RAPGEF4: variants seen among roughly 807,000 people sequenced by gnomAD.
RAPGEF4 encodes the protein Rap guanine nucleotide exchange factor 4, also known as RAP guanine-nucleotide-exchange factor (GEF) 4.
Under a neutral mutation model 147.9 loss-of-function variants are expected in RAPGEF4, and 66 were observed. That is an observed-to-expected ratio of 0.45 (90% CI 0.37 to 0.55). The LOEUF (loss-of-function observed/expected upper bound fraction) is 0.55. RAPGEF4 is among the 20% of genes least tolerant of loss of function. RAPGEF4 has a pLI of 0.00. For missense variants in RAPGEF4, 1,071 were observed against 1,257.3 expected (o/e 0.85, Z 2.24); for synonymous variants, 419 against 442.7 (o/e 0.95, Z 0.67).
chr2:172,944,700 T>G (rs571551231), intron 6 of RAPGEF4, among the ~76,000 whole-genome samples: 2 of 152,344 alleles, frequency 1.3e-5, no homozygotes, highest in South Asian at 4.1e-4. Flanking sequence ...CATCTTCAGC[T>G]GAACATTTCC....
intron 4 of RAPGEF4, among the ~76,000 whole-genome samples, chr2:172,838,971 C>T (rs543848943): frequency 1.3e-5 from 2 of 152,250 alleles, no homozygotes; most frequent in African/African-American, 2.4e-5. Flanking sequence ...AGTTCTTCTT[C>T]CCATGCATCC....
chr2:172,841,299 T>A (rs1263480123), intron 4 of RAPGEF4, among the ~76,000 whole-genome samples: 1 of 152,184 alleles, frequency 6.6e-6, no homozygotes, highest in African/African-American at 2.4e-5. Flanking sequence ...TCTTCCTTTC[T>A]TGCCAAGTAA....
intron 17 of RAPGEF4, among the ~76,000 whole-genome samples, chr2:173,008,002 G>T (rs1343514560): frequency 6.6e-6 from 1 of 152,190 alleles, no homozygotes. Context: ...ATCTCGAATT[G>T]TAATCTGAAT....
At position 173,048,557 on chromosome 2, in the gene RAPGEF4, CT is replaced by C. The variant is rs1444733913; in HGVS notation, c.2854-41del. The stretch of plus-strand genomic sequence containing the variant: ...TTTCCTTTTTGGATTGTACTCTACG[CT>C]TACTTGAATTTCTATCTTTCTTTTT... On this transcript the variant is annotated intron_variant, in intron 29 of 30. Transcript: ENST00000397081. 6.2e-6 allele frequency: 10 copies of C among 1,613,274 alleles called. No homozygotes were observed. In the Admixed American group the frequency reaches 1.2e-4, roughly 19 times the overall value.
intron 4 of RAPGEF4, among the ~76,000 whole-genome samples, chr2:172,833,675 G>A (rs1045446331): frequency 3.3e-5 from 5 of 152,128 alleles, no homozygotes; most frequent in Admixed American, 2.6e-4. Flanking sequence ...TTAAAGAAAC[G>A]TGCCCCTTTT....
intron 4 of RAPGEF4, among the ~76,000 whole-genome samples, chr2:172,898,993 A>T: frequency 6.6e-6 from 1 of 152,320 alleles, no homozygotes; most frequent in Middle Eastern, 3.4e-3. Context: ...GTATTCAATT[A>T]TGTTGCTTAA....
chr2:172,887,193 C>CA (rs534302995), intron 4 of RAPGEF4, among the ~76,000 whole-genome samples: 239 of 52,370 alleles, frequency 4.6e-3, no homozygotes, highest in East Asian at 6.4e-3. Flanking sequence ...GACTCCGTCT[C>CA]AAAAAAAAAA....
intron 6 of RAPGEF4, among the ~76,000 whole-genome samples, chr2:172,933,994 T>C (rs1686256763): frequency 6.6e-6 from 1 of 152,150 alleles, no homozygotes; most frequent in Non-Finnish European, 1.5e-5. Flanking sequence ...TCATTCTTTT[T>C]ACAGTTTCTT....
chr2:172,907,454 G>A (rs1699738099), intron 4 of RAPGEF4, among the ~76,000 whole-genome samples: 1 of 152,170 alleles, frequency 6.6e-6, no homozygotes, highest in South Asian at 2.1e-4. Flanking sequence ...TCAGAGGGCA[G>A]AAAGGCTTTG....
chr2:172,862,547 G>A (rs779472055), intron 4 of RAPGEF4, among the ~76,000 whole-genome samples: 1 of 152,124 alleles, frequency 6.6e-6, no homozygotes, highest in African/African-American at 2.4e-5. Flanking sequence ...GGATTTATAC[G>A]TTTCTCTTAT....
intron 17 of RAPGEF4, among the ~76,000 whole-genome samples, chr2:173,004,192 T>C (rs922951091): frequency 1.3e-5 from 2 of 152,186 alleles, no homozygotes; most frequent in Non-Finnish European, 2.9e-5. Flanking sequence ...TGGAGAAAGA[T>C]AGTAGAACTC....
At chr2:173,007,635 G>A (rs895488419) in intron 17 of RAPGEF4, among the ~76,000 whole-genome samples, 3 of 152,146 alleles carry the variant, frequency 2.0e-5, no homozygotes, top group East Asian at 3.8e-4. Flanking sequence ...GTTTACTGAT[G>A]AGGAAACCAA....
At chr2:172,910,980 G>A (rs1700038919) in intron 4 of RAPGEF4, among the ~76,000 whole-genome samples, 1 of 152,164 alleles carries the variant, frequency 6.6e-6, no homozygotes, top group East Asian at 1.9e-4. Context: ...AGCGTATGGG[G>A]TGAGAGATAG....
At chr2:172,889,966 T>C (rs1046695097) in intron 4 of RAPGEF4, 16 of 371,468 alleles carry the variant, frequency 4.3e-5, no homozygotes, top group Admixed American at 6.4e-5. Flanking sequence ...TCTGTAGCCA[T>C]AGAAGAAAGA....
intron 29 of RAPGEF4, among the ~76,000 whole-genome samples, chr2:173,047,877 C>T (rs996586529): frequency 3.3e-5 from 5 of 152,008 alleles, no homozygotes; most frequent in Non-Finnish European, 5.9e-5. Context: ...GGGGTTTCAC[C>T]GTGTTAGCCA....
At chr2:172,736,192 C>A (rs1056301990) in intron 1 of RAPGEF4, 144 bp downstream of exon 1, 2 of 480,366 alleles carry the variant, frequency 4.2e-6, no homozygotes, top group Non-Finnish European at 6.5e-6. Context: ...TTGAGGTCCT[C>A]GTCCGGGAGA....
intron 4 of RAPGEF4, among the ~76,000 whole-genome samples, chr2:172,851,319 G>A (rs189235049): frequency 6.6e-6 from 1 of 152,138 alleles, no homozygotes. Flanking sequence ...GGTATGATTT[G>A]TTTTTTTGAG....
chr2:172,801,832 A>G lies in RAPGEF4; in HGVS notation c.297+4219A>G, dbSNP rs577490644. Among the ~76,000 whole-genome samples the G allele has an allele frequency of 9.9e-5, 15 of 151,650 alleles. No individual in the cohort carries two copies. In the South Asian group the frequency reaches 1.9e-3, roughly 19 times the overall value. On this transcript the variant is annotated intron_variant, in intron 3 of 30. Coordinates refer to ENST00000397081, the MANE Select transcript of RAPGEF4 (RefSeq NM_007023.4). ...GAGCTTTCCCCTTGCAGCTTCTCCAACTCCCACCTGGGTGTCTGATGCAGC... is the reference window on the plus strand; with the variant it reads ...GAGCTTTCCCCTTGCAGCTTCTCCAGCTCCCACCTGGGTGTCTGATGCAGC...
intron 12 of RAPGEF4, 83 bp downstream of exon 12, chr2:172,985,576 C>T: frequency 1.3e-6 from 2 of 1,565,348 alleles, no homozygotes; most frequent in Non-Finnish European, 1.7e-6. Flanking sequence ...CTGCTAACGC[C>T]TCACTTCTTG....
Sources: allele counts gnomAD v4.1 joint callset (sites outside exome capture counted in the v4.1 genomes callset), GRCh38; gene constraint gnomAD v4.1.1; transcripts MANE v1.5; gene names NCBI Gene and HGNC (gene_info 2026-07-23, HGNC 2026-07-21).